Variants in HTATIP2 observed in about 807,000 individuals in gnomAD.
The protein encoded by HTATIP2 is protein HTATIP2.
A neutral mutation model predicts 24.7 loss-of-function variants in HTATIP2; 26 were observed. The ratio of observed to expected loss-of-function variants is 1.05; its 90% confidence interval spans 0.77 to 1.46. The LOEUF is 1.46. Among genes scored for constraint, HTATIP2 ranks in the 40% most tolerant of loss-of-function variants. HTATIP2 has a pLI of 0.00. For synonymous variants in HTATIP2, 99 were observed against 113.2 expected, an observed-to-expected ratio of 0.87 and a Z score of 0.79; for missense variants, 284 against 289.6, an observed-to-expected ratio of 0.98 and a Z score of 0.14.
Position 20,363,938 on chromosome 11 carries a change from G to T in HTATIP2, c.-300G>T. On this transcript the variant is annotated 5_prime_UTR_variant, in exon 1 of 5. Coordinates refer to ENST00000451739, the MANE Select transcript of HTATIP2 (RefSeq NM_001098522.2). Reference sequence around the variant, plus strand: ...GTAACCCCTCCGCGTATGGGACCGAGCTGGGCCAGGTCTCCTGGCCGGGCC... The same window carrying T: ...GTAACCCCTCCGCGTATGGGACCGATCTGGGCCAGGTCTCCTGGCCGGGCC... The T allele has an allele frequency of 8.0e-7, 1 of 1,244,200 alleles. No homozygotes were observed. The highest frequency in any genetic ancestry group is 1.0e-6 in the Non-Finnish European group (1 of 991,218). The allele number at this position is 1,244,200 out of a possible 1,614,324, so 77.1% of individuals were successfully genotyped here. A position where few individuals can be genotyped will look rare whatever the true frequency, so the allele number is the denominator to read the frequency against.
At chr11:20,373,496 T>C (rs979437061) in intron 2 of HTATIP2, among the ~76,000 whole-genome samples, 1 of 152,176 alleles carries the variant, frequency 6.6e-6, no homozygotes, top group Non-Finnish European at 1.5e-5. Context: ...ACAGCGTCGG[T>C]CAGGAGACTT....
rs772399666 is a variant in HTATIP2, at chr11:20,376,720, T to A, written c.441+3T>A. 1 of 1,598,666 alleles carries A rather than the reference T, an allele frequency of 6.3e-7. No individual in the cohort carries two copies. The highest frequency in any genetic ancestry group is 1.8e-5 in the Admixed American group (1 of 54,764). On this transcript the variant is annotated splice_donor_region_variant and intron_variant, in intron 3 of 4. Coordinates refer to ENST00000451739, the MANE Select transcript of HTATIP2 (RefSeq NM_001098522.2). ...ATTTTTTATATCTACAAGTTAAGGT[T>A]TGTGCAAGTTTCTGTTTTTCATACA... is the stretch of plus-strand genomic sequence containing the variant.
rs896388333 is a variant in HTATIP2, at chr11:20,366,702, G to A, written c.196-472G>A. Among the ~76,000 whole-genome samples, 10 of 151,974 alleles carry A rather than the reference G, an allele frequency of 6.6e-5. No individual in the cohort carries two copies. In the South Asian group the frequency reaches 1.5e-3, roughly 22 times the overall value. ...CAAATGGTTCATGGATTGGACTGAAGGAAAGATTATCACCCCCATTTTACA... is the reference window on the plus strand; with the variant it reads ...CAAATGGTTCATGGATTGGACTGAAAGAAAGATTATCACCCCCATTTTACA... On this transcript the variant is annotated intron_variant, in intron 1 of 4. Transcript: ENST00000451739.
rs555960781 is a variant in HTATIP2 at position 20,364,557 on chromosome 11, C to A, written c.195+125C>A. On this transcript the variant is annotated intron_variant, in intron 1 of 4. Transcript: ENST00000451739. ...TAGTGAGAGGCCATCAAAACTTGGC[C>A]AAGATTGGTCTGTGAGAGTCCCTCC... 3.7e-3 allele frequency: 2,946 copies of A among 798,524 alleles called. 6 individuals carry two copies. Among genetic ancestry groups the A allele is most frequent in the Non-Finnish European group, 5.2e-3 (2,656 of 512,808 alleles). The allele number at this position is 798,524 out of a possible 1,614,324, so 49.5% of individuals were successfully genotyped here. A position where few individuals can be genotyped will look rare whatever the true frequency, so the allele number is the denominator to read the frequency against.
chr11:20,367,817 G>A (rs1303203018), intron 2 of HTATIP2, among the ~76,000 whole-genome samples: 1 of 152,174 alleles, frequency 6.6e-6, no homozygotes, highest in Non-Finnish European at 1.5e-5. Flanking sequence ...CTTTACTGAC[G>A]CAAAAGTCTT....
At chr11:20,380,117 G>T (rs1380225622) in intron 3 of HTATIP2, among the ~76,000 whole-genome samples, 2 of 152,200 alleles carry the variant, frequency 1.3e-5, no homozygotes, top group African/African-American at 4.8e-5. Flanking sequence ...CAGTTACATA[G>T]GCACATTGGC....
At chr11:20,381,036 G>GTGAC (rs1283579887) in intron 3 of HTATIP2, among the ~76,000 whole-genome samples, 2 of 152,166 alleles carry the variant, frequency 1.3e-5, no homozygotes, top group African/African-American at 4.8e-5. Flanking sequence ...GGTACGAGGA[G>GTGAC]TGACTGCTAA....
chr11:20,365,122 T>A (rs1467818413), intron 1 of HTATIP2, among the ~76,000 whole-genome samples: 1 of 152,030 alleles, frequency 6.6e-6, no homozygotes, highest in East Asian at 1.9e-4. Flanking sequence ...TAACTGGAAC[T>A]ACAGGCGTGC....
chr11:20,366,624 G>A (rs988670313), intron 1 of HTATIP2, among the ~76,000 whole-genome samples: 11 of 152,168 alleles, frequency 7.2e-5, no homozygotes, highest in Middle Eastern at 6.8e-3. Context: ...AACTATTGGT[G>A]TGGGATGTAG....
In HTATIP2 at chr11:20,383,453, G is replaced by A; in HGVS notation, c.*248G>A. 1 of 487,510 alleles carries A rather than the reference G, an allele frequency of 2.1e-6. No individual in the cohort carries two copies. The highest frequency in any genetic ancestry group is 2.9e-5 in the South Asian group (1 of 34,782). The allele number at this position is 487,510 out of a possible 1,614,324, so 30.2% of individuals were successfully genotyped here. On this transcript the variant is annotated 3_prime_UTR_variant, in exon 5 of 5. Transcript: ENST00000451739. ...ATCTCAAACTTGAATCAAAATTTCT[G>A]GGGTGTGGGCACAATAATCTGTAAT...
Position 20,376,671 on chromosome 11 carries a change from C to A in HTATIP2, c.395C>A (p.Ser132Tyr). The change falls in exon 3 of 5, where the codon TCT (serine) becomes TAT (tyrosine). Residue 132 changes from serine (S) to tyrosine (Y), a missense_variant. Ser to Tyr is a moderately radical substitution (Grantham distance 144). Transcript: ENST00000451739. ...TGCAAACATTTCAACTTGCTATCCT[C>A]TAAAGGAGCTGATAAATCAAGCAAT... is the stretch of plus-strand genomic sequence containing the variant. ...GGCKHFNLLSSKGADKSSNFL... is the reference protein window; with the variant it reads ...GGCKHFNLLSYKGADKSSNFL... 1 of 1,612,692 alleles carries A rather than the reference C, an allele frequency of 6.2e-7. No individual in the cohort carries two copies. Among genetic ancestry groups the A allele is most frequent in the African/African-American group, 1.3e-5 (1 of 74,898 alleles).
chr11:20,363,987 G>C lies in HTATIP2; in HGVS notation c.-251G>C. The C allele has an allele frequency of 7.9e-7, 1 of 1,263,214 alleles. No homozygotes were observed. The highest frequency in any genetic ancestry group is 3.2e-5 in the South Asian group (1 of 30,964). 78.3% of individuals were successfully genotyped at this position (1,263,214 alleles called of 1,614,324 possible). A position where few individuals can be genotyped will look rare whatever the true frequency, so the allele number is the denominator to read the frequency against. ...CCGGGGATACCGTGGGGTATGCCCA[G>C]TGATGCCAGCAGCTTGTGGCACCTG... On this transcript the variant is annotated 5_prime_UTR_variant, in exon 1 of 5. Coordinates refer to ENST00000451739, the MANE Select transcript of HTATIP2 (RefSeq NM_001098522.2).
Position 20,383,067 on chromosome 11 carries a change from T to G in HTATIP2, c.591T>G (p.Ser197Arg), listed in dbSNP as rs3824886. The change falls in exon 5 of 5, where the codon AGT (serine) becomes AGG (arginine). Residue 197 changes from serine to arginine, a missense_variant. By Grantham distance (110) the Ser-to-Arg change is moderately radical. Coordinates refer to ENST00000451739, the MANE Select transcript of HTATIP2 (RefSeq NM_001098522.2). ...GCTCCTTACCAGACTCTTGGGCCAG[T>G]GGGCATTCTGTGCCTGTGGTGACCG... ...FFGSLPDSWA[S>R]GHSVPVVTVV... 0.91 allele frequency: 1,466,947 copies of G among 1,613,286 alleles called. 677,079 individuals are homozygous for G. The highest frequency in any genetic ancestry group is 0.95 in the Non-Finnish European group (1,122,817 of 1,179,872).
chr11:20,367,626 T>A (rs2064725351), intron 2 of HTATIP2: 1 of 1,272,840 alleles, frequency 7.9e-7, no homozygotes, highest in Non-Finnish European at 9.9e-7. Flanking sequence ...TCAGCTGTTT[T>A]TCCCCTTAAT....
chr11:20,370,775 A>G (rs915532112), intron 2 of HTATIP2, among the ~76,000 whole-genome samples: 4 of 151,916 alleles, frequency 2.6e-5, no homozygotes, highest in South Asian at 2.1e-4. Context: ...TCAGCCTCCC[A>G]AGTAGCTGGG....
At chr11:20,364,938 G>GC (rs2064679514) in intron 1 of HTATIP2, among the ~76,000 whole-genome samples, 1 of 151,972 alleles carries the variant, frequency 6.6e-6, no homozygotes, top group East Asian at 1.9e-4. Context: ...GACTTCCCAG[G>GC]CTTGTGTCTG....
chr11:20,376,497 C>A, intron 2 of HTATIP2, 83 bp from the exon 3 acceptor site: 1 of 1,482,930 alleles, frequency 6.7e-7, no homozygotes, highest in Non-Finnish European at 9.4e-7. Context: ...CTAGGCCTCC[C>A]AGCCTGCTAC....
chr11:20,381,877 T>C (rs1848526346), intron 3 of HTATIP2, among the ~76,000 whole-genome samples: 2 of 152,208 alleles, frequency 1.3e-5, no homozygotes, highest in Non-Finnish European at 2.9e-5. Context: ...TCTTTTATGA[T>C]TGTACTAACG....
Position 20,363,940 on chromosome 11 carries a change from T to A in HTATIP2, c.-298T>A, listed in dbSNP as rs961528720. On this transcript the variant is annotated 5_prime_UTR_variant, in exon 1 of 5. Transcript: ENST00000451739. ...AACCCCTCCGCGTATGGGACCGAGC[T>A]GGGCCAGGTCTCCTGGCCGGGCCGG... The A allele has an allele frequency of 2.4e-6, 3 of 1,243,724 alleles. No individual in the cohort carries two copies. The African/African-American group carries it at 4.7e-5, about 19-fold the overall frequency. The allele number at this position is 1,243,724 out of a possible 1,614,324, so 77.0% of individuals were successfully genotyped here.
Sources: gnomAD v4.1 joint callset for allele counts (sites outside exome capture counted in the v4.1 genomes callset) on GRCh38, gnomAD v4.1.1 for gene constraint, MANE v1.5 for transcripts, NCBI Gene and HGNC (gene_info 2026-07-23, HGNC 2026-07-21) for gene names.